VWF: variants seen among roughly 807,000 people sequenced by gnomAD.
The protein encoded by VWF is Factor VIII related antigen.
In VWF, 176 loss-of-function variants were observed where a neutral mutation model predicts 308.6. The observed-to-expected ratio is 0.57, with a 90% CI of 0.50 to 0.65. The LOEUF (loss-of-function observed/expected upper bound fraction) is 0.65, where lower values mean the gene tolerates loss of function less well. Among genes scored for constraint, VWF ranks in the 30% least tolerant of loss-of-function variants. The pLI, the probability that VWF is intolerant of heterozygous loss-of-function variation, is 0.00. For synonymous variants in VWF, 1,385 were observed against 1,443.4 expected (o/e 0.96, Z 0.92); for missense variants, 3,146 against 3,648.2 (o/e 0.86, Z 3.55).
At chr12:5,974,013 T>C (rs1029972043) in intron 43 of VWF, among the ~76,000 whole-genome samples, 19 of 152,154 alleles carry the variant, frequency 1.2e-4, no homozygotes, top group Admixed American at 3.3e-4. Context: ...CAGAGAACTA[T>C]GGAGGAGCTT....
chr12:6,089,590 C>T (rs1172342394), intron 6 of VWF, among the ~76,000 whole-genome samples: 1 of 152,164 alleles, frequency 6.6e-6, no homozygotes, highest in Non-Finnish European at 1.5e-5. Flanking sequence ...CCCAGTCTCC[C>T]TCCTCAACCC....
intron 34 of VWF, among the ~76,000 whole-genome samples, chr12:6,006,877 G>A (rs1313368643): frequency 6.6e-6 from 1 of 152,136 alleles, no homozygotes; most frequent in Non-Finnish European, 1.5e-5. Context: ...ATGCACATAG[G>A]TTTAAAGTGA....
At chr12:6,000,903 G>A (rs935847683) in intron 34 of VWF, among the ~76,000 whole-genome samples, 2 of 151,362 alleles carry the variant, frequency 1.3e-5, no homozygotes, top group African/African-American at 4.9e-5. Context: ...CAACTAAAGT[G>A]AGCATTTTTA....
intron 37 of VWF, among the ~76,000 whole-genome samples, chr12:5,992,489 TG>T (rs943923123): frequency 2.0e-5 from 3 of 152,218 alleles, no homozygotes; most frequent in African/African-American, 7.2e-5. Context: ...CAGAATCAGC[TG>T]GAGCCACCGC....
At chr12:6,032,884 A>ACG (rs1235473304) in intron 20 of VWF, among the ~76,000 whole-genome samples, 2 of 140,832 alleles carry the variant, frequency 1.4e-5, no homozygotes, top group Admixed American at 1.4e-4. Context: ...ATACACACAC[A>ACG]CACGCATACA....
Position 5,994,450 on chromosome 12 carries a change from G to T in VWF, c.6221C>A (p.Pro2074His). The T allele has an allele frequency of 6.2e-7, 1 of 1,614,118 alleles. No homozygotes were observed. The part of the protein sequence containing the change: ...QNNEFQLQLS[P>H]KTFASKTYGL... ...ATACGTCTTTGAAGCAAAAGTCTTG[G>T]GGCTGAGCTGCAGTTGGAACTCATT... Residue 2074 changes from proline to histidine, a missense_variant, in exon 36 of 52, where the codon CCC (proline) becomes CAC (histidine). By Grantham distance (77) the Pro-to-His change is moderately conservative (BLOSUM62 -2). Around this residue, in one of 3 missense-constraint regions of VWF, gnomAD observed 989 missense variants for 1,117.4 expected, o/e 0.89. Transcript: ENST00000261405.
intron 28 of VWF, 74 bp from the exon 29 acceptor site, chr12:6,016,944 T>G (rs1444160528): frequency 3.2e-5 from 48 of 1,490,692 alleles, no homozygotes; most frequent in Middle Eastern, 3.5e-4. Flanking sequence ...CAACCTGACA[T>G]CCAATAGGAT....
At chr12:6,012,276 A>C (rs1174989088) in intron 32 of VWF, 146 bp from the exon 33 acceptor site, 1 of 903,876 alleles carries the variant, frequency 1.1e-6, no homozygotes, top group African/African-American at 1.6e-5. Context: ...CAGTGGAGAC[A>C]TAGGGACATG....
At chr12:6,013,390 TG>T in intron 32 of VWF, 90 bp downstream of exon 32, 1 of 1,516,628 alleles carries the variant, frequency 6.6e-7, no homozygotes, top group Non-Finnish European at 9.1e-7. Context: ...ATGGGCACCC[TG>T]GGGTCTCTTG....
chr12:5,971,641 C>T lies in VWF; in HGVS notation c.7506G>A (p.Val2502=), dbSNP rs752320274. The change falls in exon 44 of 52, where the codon GTG becomes GTA. Residue 2502 remains valine (V), a synonymous_variant. Transcript: ENST00000261405. ...GGGAGTCCCCCCGCGGTGAGCCAGT[C>T]ACCACCTCACAGGCAGATGGCAGGC... ...GRCLPSACEV[V]TGSPRGDSQS... 1.5e-5 allele frequency: 25 copies of T among 1,614,090 alleles called. No individual in the cohort carries two copies. Among genetic ancestry groups the T allele is most frequent in the Non-Finnish European group, 1.9e-5 (23 of 1,180,050 alleles).
chr12:6,009,426 A>AACACACACACACAC (rs3062550), intron 34 of VWF, among the ~76,000 whole-genome samples: 2 of 146,530 alleles, frequency 1.4e-5, no homozygotes, highest in Non-Finnish European at 3.0e-5. Flanking sequence ...GCCATTATCA[A>AACACACACACACAC]ACACACACAC....
chr12:5,959,405 T>C (rs1413007261), intron 47 of VWF, among the ~76,000 whole-genome samples: 1 of 152,062 alleles, frequency 6.6e-6, no homozygotes. Flanking sequence ...CAGTAATTGA[T>C]AAAAACAAGT....
chr12:5,971,767 T>C (rs1943479528), intron 43 of VWF, 58 bp from the exon 44 acceptor site: 16 of 1,440,014 alleles, frequency 1.1e-5, no homozygotes, highest in Non-Finnish European at 1.6e-5. Flanking sequence ...ACAGGGGCTC[T>C]TACCTACGCC....
chr12:6,057,978 C>T lies in VWF; in HGVS notation c.1600G>A (p.Asp534Asn), dbSNP rs1651544859. ...CGNYNGNQGD[D>N]FLTPSGLAEP... ...GCCAGCCCAGAGGGGGTAAGGAAGTCGTCGCCCTGGTTGCCATTGTAATTC... is the reference window on the plus strand; with the variant it reads ...GCCAGCCCAGAGGGGGTAAGGAAGTTGTCGCCCTGGTTGCCATTGTAATTC... Residue 534 changes from aspartate to asparagine, a missense_variant, in exon 14 of 52, where the codon GAC (aspartate) becomes AAC (asparagine). Physicochemically the swap from Asp to Asn is conservative, Grantham distance 23. Around this residue, in one of 3 missense-constraint regions of VWF, gnomAD observed 1,304 missense variants for 1,353.0 expected, o/e 0.96. Coordinates refer to ENST00000261405, the MANE Select transcript of VWF (RefSeq NM_000552.5). 1.2e-6 allele frequency: 2 copies of T among 1,613,642 alleles called. No individual in the cohort carries two copies. The highest frequency in any genetic ancestry group is 1.7e-6 in the Non-Finnish European group (2 of 1,180,028).
intron 18 of VWF, among the ~76,000 whole-genome samples, chr12:6,039,702 T>C (rs1944377122): frequency 6.6e-6 from 1 of 152,070 alleles, no homozygotes; most frequent in Admixed American, 6.5e-5. Flanking sequence ...AGGCCCTTCT[T>C]TGGATCTTTT....
chr12:6,017,165 G>A (rs1005138645), intron 28 of VWF, among the ~76,000 whole-genome samples: 62 of 152,306 alleles, frequency 4.1e-4, no homozygotes, highest in African/African-American at 1.4e-3. Flanking sequence ...AGGCTTCCTC[G>A]GTAAGAAGGG....
At chr12:6,057,511 T>TTATTAC (rs1565847147) in intron 14 of VWF, among the ~76,000 whole-genome samples, 1 of 145,504 alleles carries the variant, frequency 6.9e-6, no homozygotes, top group Non-Finnish European at 1.5e-5. Context: ...ATTATTATTA[T>TTATTAC]TATTATTATT....
chr12:5,993,390 T>A (rs1275193922), intron 37 of VWF, among the ~76,000 whole-genome samples: 1 of 152,162 alleles, frequency 6.6e-6, no homozygotes, highest in Non-Finnish European at 1.5e-5. Flanking sequence ...TGGCAACCAA[T>A]GATTCTACTT....
chr12:5,969,426 G>A (rs764170999), intron 44 of VWF, 35 bp from the exon 45 acceptor site: 2 of 1,613,570 alleles, frequency 1.2e-6, no homozygotes, highest in South Asian at 2.2e-5. Flanking sequence ...ACAAGCTGGG[G>A]CAGGGCTGGA....
Sources: gnomAD v4.1 joint callset for allele counts (sites outside exome capture counted in the v4.1 genomes callset) on GRCh38, gnomAD v4.1.1 for gene constraint, gnomAD v4.1.1 regional missense constraint, MANE v1.5 for transcripts, NCBI Gene and HGNC (gene_info 2026-07-23, HGNC 2026-07-21) for gene names.